Variants in FECH observed in about 807,000 individuals in gnomAD.
FECH encodes the protein ferrochelatase.
FECH carries 40 observed loss-of-function variants against 56.9 expected under a neutral mutation model. The ratio of observed to expected loss-of-function variants is 0.70; its 90% CI spans 0.55 to 0.92. FECH has a LOEUF of 0.92. Among genes scored for constraint, FECH ranks in the 40% least tolerant of loss-of-function variants. FECH has a pLI of 0.00. For missense variants in FECH, 431 were observed against 529.1 expected (o/e 0.81, Z 1.82); for synonymous variants, 175 against 198.6 (o/e 0.88, Z 1.00).
intron 2 of FECH, among the ~76,000 whole-genome samples, chr18:57,574,410 A>C (rs908587889): frequency 6.6e-6 from 1 of 152,226 alleles, no homozygotes; most frequent in Non-Finnish European, 1.5e-5. Context: ...CACTGTGTAG[A>C]TAATTCCTGC....
intron 5 of FECH, among the ~76,000 whole-genome samples, chr18:57,566,052 T>TGGGC (rs549649489): frequency 1.7e-4 from 26 of 152,252 alleles, no homozygotes; most frequent in Non-Finnish European, 3.8e-4. Context: ...CCATGTTGTA[T>TGGGC]GGGCATCTTT....
At chr18:57,558,723 C>A (rs1176704525) in intron 7 of FECH, among the ~76,000 whole-genome samples, 1 of 152,096 alleles carries the variant, frequency 6.6e-6, no homozygotes, top group African/African-American at 2.4e-5. Context: ...AGTTTGAGAC[C>A]AGCCTGGCCA....
intron 4 of FECH, among the ~76,000 whole-genome samples, chr18:57,570,010 CTGTTGTTGT>C (rs879297836): frequency 7.9e-6 from 1 of 127,028 alleles, no homozygotes. Flanking sequence ...GTTGTTGTTG[CTGTTGTTGT>C]TGTTGTTGTT....
Position 57,586,593 on chromosome 18 carries a change from C to A in FECH, c.28G>T (p.Ala10Ser). The change falls in exon 1 of 11, where the codon GCG (alanine) becomes TCG (serine). Residue 10 changes from alanine to serine, a missense_variant. Ala to Ser is a moderately conservative substitution (Grantham distance 99). Transcript: ENST00000262093. ...AGGACGCCCGCGGCGCGCAGGGCCG[C>A]AGCCATGTTTGCGCCGAGTGAACGC... MRSLGANMA[A>S]ALRAAGVLLR... 1 of 1,524,796 alleles carries A rather than the reference C, an allele frequency of 6.6e-7. No homozygotes were observed. The highest frequency in any genetic ancestry group is 8.7e-7 in the Non-Finnish European group (1 of 1,142,922). 94.5% of individuals were successfully genotyped at this position (1,524,796 alleles called of 1,614,324 possible). A position where few individuals can be genotyped will look rare whatever the true frequency, so the allele number is the denominator to read the frequency against.
chr18:57,554,786 C>T (rs376865050), intron 8 of FECH, 59 bp downstream of exon 8: 13 of 1,369,206 alleles, frequency 9.5e-6, no homozygotes, highest in Non-Finnish European at 1.4e-5. Flanking sequence ...CATTTTATAA[C>T]TCATAAAATA....
intron 2 of FECH, 65 bp from the exon 3 acceptor site, chr18:57,573,430 T>C (rs2051143305): frequency 6.3e-7 from 1 of 1,587,256 alleles, no homozygotes; most frequent in African/African-American, 1.3e-5. Context: ...GGTGGACTCT[T>C]GGTTCAGCCA....
chr18:57,580,522 G>A (rs2051262647), intron 1 of FECH, among the ~76,000 whole-genome samples: 1 of 151,782 alleles, frequency 6.6e-6, no homozygotes. Context: ...ATGACTGACA[G>A]TAGCGTGCTG....
intron 1 of FECH, among the ~76,000 whole-genome samples, chr18:57,581,165 G>T (rs1266460982): frequency 1.3e-5 from 2 of 152,212 alleles, no homozygotes; most frequent in African/African-American, 4.8e-5. Flanking sequence ...CATCCTTCCA[G>T]GTTGTGATCA....
intron 10 of FECH, 120 bp downstream of exon 10, chr18:57,551,195 T>C (rs914852212): frequency 1.3e-5 from 10 of 784,974 alleles, no homozygotes; most frequent in African/African-American, 8.8e-5. Flanking sequence ...GATTTTATTT[T>C]TGTAATTAAT....
chr18:57,582,617 T>C (rs1347913440), intron 1 of FECH, among the ~76,000 whole-genome samples: 21 of 140,666 alleles, frequency 1.5e-4, no homozygotes, highest in Non-Finnish European at 1.6e-5. Context: ...TTTAAGGAGT[T>C]AAAAAAAAAA....
Position 57,554,857 on chromosome 18 carries a change from C to T in FECH, c.900G>A (p.Val300=). The change falls in exon 8 of 11, where the codon GTG becomes GTA. Residue 300 remains valine, a synonymous_variant. Transcript: ENST00000262093. The stretch of plus-strand genomic sequence containing the variant: ...GGAAGCCACTTACCTTGGATTGCCA[C>T]ACCAGTCGGTAGGGGTTGCAGTACT... The part of the protein sequence containing the change: ...RLEYCNPYRL[V]WQSKVGPMPW... The T allele has an allele frequency of 1.2e-6, 2 of 1,614,136 alleles. No homozygotes were observed. The highest frequency in any genetic ancestry group is 8.5e-7 in the Non-Finnish European group (1 of 1,179,974).
chr18:57,561,905 G>GGTAA, intron 6 of FECH, among the ~76,000 whole-genome samples: 1 of 152,114 alleles, frequency 6.6e-6, no homozygotes, highest in Non-Finnish European at 1.5e-5. Flanking sequence ...CACCCCTAAG[G>GGTAA]GTAAGCTCCT....
At chr18:57,554,050 G>A (rs1478089576) in intron 9 of FECH, among the ~76,000 whole-genome samples, 2 of 152,154 alleles carry the variant, frequency 1.3e-5, no homozygotes, top group Non-Finnish European at 2.9e-5. Flanking sequence ...CCTGGTTTAA[G>A]GAAAGCACAG....
intron 4 of FECH, 107 bp downstream of exon 4, chr18:57,571,285 T>C: frequency 1.7e-6 from 2 of 1,172,198 alleles, no homozygotes; most frequent in South Asian, 2.6e-5. Flanking sequence ...ACACCACAAA[T>C]TGAGTTGCCA....
intron 2 of FECH, 162 bp downstream of exon 2, chr18:57,579,911 G>C (rs2122356428): frequency 1.1e-6 from 1 of 887,734 alleles, no homozygotes; most frequent in South Asian, 1.3e-5. Context: ...TGGGGAAGGA[G>C]GGTGTAAAAT....
intron 5 of FECH, among the ~76,000 whole-genome samples, chr18:57,563,866 A>G (rs1430599866): frequency 6.6e-6 from 1 of 152,072 alleles, no homozygotes; most frequent in East Asian, 1.9e-4. Context: ...CCATGTTATG[A>G]TAAAAGCTTT....
chr18:57,572,924 T>C (rs188524824), intron 3 of FECH: 8 of 304,666 alleles, frequency 2.6e-5, no homozygotes, highest in African/African-American at 1.1e-4. Context: ...ATTGCTTCCC[T>C]GAGTGTTAAT....
In FECH at chr18:57,586,673, G is replaced by A. The variant is rs898232591; in HGVS notation, c.-53C>T. 7.3e-5 allele frequency: 107 copies of A among 1,469,166 alleles called. No homozygotes were observed. Among genetic ancestry groups the A allele is most frequent in the Non-Finnish European group, 9.0e-5 (100 of 1,110,210 alleles). 91.0% of individuals were successfully genotyped at this position (1,469,166 alleles called of 1,614,324 possible). A position where few individuals can be genotyped will look rare whatever the true frequency, so the allele number is the denominator to read the frequency against. On this transcript the variant is annotated 5_prime_UTR_variant, in exon 1 of 11. Coordinates refer to ENST00000262093, the MANE Select transcript of FECH (RefSeq NM_000140.5). ...GGCTCCTCCCGCGGCGGCGCGCCCA[G>A]GTGTCCGCCCAGCAGTGGCCGAGCC...
At chr18:57,571,705 T>A (rs1443611372) in intron 3 of FECH, 165 bp from the exon 4 acceptor site, 2 of 931,636 alleles carry the variant, frequency 2.1e-6, no homozygotes, top group Non-Finnish European at 3.2e-6. Flanking sequence ...AGCTCTCTTG[T>A]TGTAGAATAA....
Sources: gnomAD v4.1 joint callset for allele counts (sites outside exome capture counted in the v4.1 genomes callset) on GRCh38, gnomAD v4.1.1 for gene constraint, MANE v1.5 for transcripts, NCBI Gene and HGNC (gene_info 2026-07-23, HGNC 2026-07-21) for gene names.